Variants in ABCC10 observed in about 807,000 individuals in gnomAD.
ABCC10 encodes ATP-binding cassette sub-family C member 10.
Under a neutral mutation model 143.2 loss-of-function variants are expected in ABCC10, and 110 were observed. That is an observed-to-expected ratio of 0.77 (90% CI 0.66 to 0.90). The LOEUF is 0.90. Among genes scored for constraint, ABCC10 ranks in the 40% least tolerant of loss-of-function variants. The probability of loss-of-function intolerance (pLI) is 0.00; values close to 1 mark genes in which losing one functional copy is unlikely to be tolerated. For synonymous variants in ABCC10, 805 were observed against 846.7 expected, an observed-to-expected ratio of 0.95 and a Z score of 0.85; for missense variants, 1,700 against 1,900.5, an observed-to-expected ratio of 0.89 and a Z score of 1.96.
chr6:43,444,804 T>C lies in ABCC10; in HGVS notation c.2706T>C (p.Ala902=). ...CCCACCCAGCCACGCGGAACGCTGC[T>C]GACTGGTGGCTCTCCCACTGGATCT... ...LLLMQATRNA[A]DWWLSHWISQ... is the part of the protein sequence containing the mutation. The change falls in exon 13 of 22, where the codon GCT becomes GCC. Residue 902 remains alanine (A), a synonymous_variant. Transcript: ENST00000372530. 1 of 1,606,754 alleles carries C rather than the reference T, an allele frequency of 6.2e-7. No homozygotes were observed. The highest frequency in any genetic ancestry group is 1.1e-5 in the South Asian group (1 of 90,280).
chr6:43,431,074 A>T lies in ABCC10; in HGVS notation c.162-1068A>T, dbSNP rs377002491. Among the ~76,000 whole-genome samples, 28 of 152,246 alleles carry T rather than the reference A, an allele frequency of 1.8e-4. No homozygotes were observed. In the East Asian group the frequency reaches 3.3e-3, roughly 18 times the overall value. ...AGATCACCTTTTGTTTATTAAAAAC[A>T]TTTTTTTATGCCAAGAAGATATAAA... On this transcript the variant is annotated intron_variant, in intron 2 of 21. Transcript: ENST00000372530.
chr6:43,435,628 C>T lies in ABCC10; in HGVS notation c.1609-123C>T, dbSNP rs183457516. Reference sequence around the variant, plus strand: ...TGCCACATCTGATCCCAGGATTGGCCAGCCAGCCCTTCAGTTCTGTCATTG... The same window carrying T: ...TGCCACATCTGATCCCAGGATTGGCTAGCCAGCCCTTCAGTTCTGTCATTG... On this transcript the variant is annotated intron_variant, in intron 4 of 21. Coordinates refer to ENST00000372530, the MANE Select transcript of ABCC10 (RefSeq NM_001198934.2). 16 of 1,203,872 alleles carry T rather than the reference C, an allele frequency of 1.3e-5. No homozygotes were observed. In the Admixed American group the frequency reaches 3.4e-4, roughly 26 times the overall value. The allele number at this position is 1,203,872 out of a possible 1,614,324, so 74.6% of individuals were successfully genotyped here.
At position 43,443,747 on chromosome 6, in the gene ABCC10, G is replaced by T. The variant is rs1415322814; in HGVS notation, c.2417-186G>T. Reference sequence around the variant, plus strand: ...CTTGAGTCCTGCTCGAGGTCTAGGGGTATCCAGAGCAGGGTGGGTTAGAGA... The same window carrying T: ...CTTGAGTCCTGCTCGAGGTCTAGGGTTATCCAGAGCAGGGTGGGTTAGAGA... On this transcript the variant is annotated intron_variant, in intron 10 of 21. Transcript: ENST00000372530. This position sits in a 1 kb window ranked among gnomAD's most constrained non-coding sequence, Gnocchi z 4.2. 27 of 607,214 alleles carry T rather than the reference G, an allele frequency of 4.4e-5. No individual in the cohort carries two copies. In the East Asian group the frequency reaches 7.3e-4, roughly 16 times the overall value. The allele number at this position is 607,214 out of a possible 1,614,324, so 37.6% of individuals were successfully genotyped here.
intron 8 of ABCC10, among the ~76,000 whole-genome samples, chr6:43,440,886 A>T (rs1191230511): frequency 1.4e-5 from 2 of 138,922 alleles, no homozygotes; most frequent in Non-Finnish European, 3.1e-5. Context: ...ATACCAGACC[A>T]CCCAGGGCAA....
At position 43,427,732 on chromosome 6, in the gene ABCC10, A is replaced by G. The variant is rs1363377783; in HGVS notation, c.-37A>G. 5.2e-6 allele frequency: 3 copies of G among 581,758 alleles called. No homozygotes were observed. The Admixed American group carries it at 8.9e-5, about 17-fold the overall frequency. The allele number at this position is 581,758 out of a possible 1,614,324, so 36.0% of individuals were successfully genotyped here. A position where few individuals can be genotyped will look rare whatever the true frequency, so the allele number is the denominator to read the frequency against. ...GTTCCGGATGCCTGGGGGCGGAGAA[A>G]CGGGAGGGGAAAAACAGATGGCAAG... is the stretch of plus-strand genomic sequence containing the variant. On this transcript the variant is annotated 5_prime_UTR_variant, in exon 1 of 22. Transcript: ENST00000372530.
Position 43,443,127 on chromosome 6 carries a change from T to C in ABCC10, c.2384T>C (p.Leu795Pro), listed in dbSNP as rs1012646781. The C allele has an allele frequency of 6.2e-7, 1 of 1,608,216 alleles. No homozygotes were observed. Among genetic ancestry groups the C allele is most frequent in the Non-Finnish European group, 8.5e-7 (1 of 1,179,432 alleles). Residue 795 changes from leucine to proline, a missense_variant, in exon 10 of 22, where the codon CTG (leucine) becomes CCG (proline). Coordinates refer to ENST00000372530, the MANE Select transcript of ABCC10 (RefSeq NM_001198934.2). The surrounding 1 kb of genome is among the most constrained non-coding windows in gnomAD (Gnocchi z 4.2). ...TEYLERADAV[L>P]LMEAGRLIRA... ...TACCTGGAGAGGGCTGACGCGGTGC[T>C]GCTGATGGAGGCCGGGCGCCTCATC...
chr6:43,437,594 T>C (rs1452593307), intron 6 of ABCC10, among the ~76,000 whole-genome samples: 1 of 152,074 alleles, frequency 6.6e-6, no homozygotes, highest in Non-Finnish European at 1.5e-5. Context: ...AATTCTACCC[T>C]TCCCTCTCCC....
At chr6:43,434,258 G>A (rs765707749) in intron 3 of ABCC10, among the ~76,000 whole-genome samples, 2 of 152,238 alleles carry the variant, frequency 1.3e-5, no homozygotes, top group Non-Finnish European at 2.9e-5. Flanking sequence ...TTTTGGTTTT[G>A]GGAGATAGCC....
chr6:43,448,533 G>A (rs957721782), intron 18 of ABCC10, among the ~76,000 whole-genome samples: 3 of 152,080 alleles, frequency 2.0e-5, no homozygotes, highest in East Asian at 1.9e-4. Context: ...CCTTTCAGTC[G>A]CTCTGGTCAT....
Position 43,445,185 on chromosome 6 carries a change from C to T in ABCC10, c.2901C>T (p.Tyr967=), listed in dbSNP as rs746420505. 1 of 1,614,140 alleles carries T rather than the reference C, an allele frequency of 6.2e-7. No homozygotes were observed. The highest frequency in any genetic ancestry group is 1.1e-5 in the South Asian group (1 of 91,082). ...ATGGCTCCTCAGACATCCGTTTCTA[C>T]CTCACCGTGTATGCGACCATTGCTG... The part of the protein sequence containing the change: ...APNGSSDIRF[Y]LTVYATIAGV... Residue 967 remains tyrosine (Y), a synonymous_variant, in exon 14 of 22, where the codon TAC becomes TAT. Coordinates refer to ENST00000372530, the MANE Select transcript of ABCC10 (RefSeq NM_001198934.2).
intron 2 of ABCC10, among the ~76,000 whole-genome samples, chr6:43,430,019 A>G (rs1304401781): frequency 2.0e-5 from 3 of 152,212 alleles, no homozygotes; most frequent in African/African-American, 4.8e-5. Flanking sequence ...GGCTCAAGCA[A>G]TCCTTCTGCC....
chr6:43,442,026 C>A, intron 9 of ABCC10, 66 bp downstream of exon 9: 2 of 1,407,226 alleles, frequency 1.4e-6, no homozygotes, highest in Non-Finnish European at 2.0e-6. Context: ...GGGAACTTGG[C>A]TGAGTTAGGA....
chr6:43,429,328 A>AT (rs1489959515), intron 2 of ABCC10, among the ~76,000 whole-genome samples: 1 of 111,384 alleles, frequency 9.0e-6, no homozygotes, highest in Non-Finnish European at 1.8e-5. Flanking sequence ...AAATATATAT[A>AT]TTTTTTTCTT....
At chr6:43,449,229 G>C (rs1783479657) in intron 20 of ABCC10, 25 bp downstream of exon 20, 1 of 1,611,918 alleles carries the variant, frequency 6.2e-7, no homozygotes, top group Middle Eastern at 1.7e-4. Context: ...AGAGACATTA[G>C]AGAGGGCCAG....
At chr6:43,441,704 TTA>T (rs879012069) in intron 8 of ABCC10, among the ~76,000 whole-genome samples, 156 bp from the exon 9 acceptor site, 2 of 152,334 alleles carry the variant, frequency 1.3e-5, no homozygotes, top group South Asian at 4.1e-4. Flanking sequence ...GTTATTGGAA[TTA>T]TGTCTTGTCT....
Position 43,444,885 on chromosome 6 carries a change from T to C in ABCC10, c.2787T>C (p.Ala929=). The C allele has an allele frequency of 6.2e-7, 1 of 1,613,990 alleles. No homozygotes were observed. Among genetic ancestry groups the C allele is most frequent in the South Asian group, 1.1e-5 (1 of 91,074 alleles). ...SQEAQPSTSP[A]SMGLFSPQLL... is the part of the protein sequence containing the mutation. ...AGGCGCAACCCTCCACCAGCCCAGC[T>C]TCTATGGGGCTCTTCTCTCCGCAGC... Residue 929 remains alanine (A), a synonymous_variant, in exon 13 of 22, where the codon GCT becomes GCC. Coordinates refer to ENST00000372530, the MANE Select transcript of ABCC10 (RefSeq NM_001198934.2).
intron 16 of ABCC10, chr6:43,446,746 T>A (rs1264596362): frequency 2.4e-6 from 3 of 1,235,792 alleles, no homozygotes; most frequent in Non-Finnish European, 3.0e-6. Flanking sequence ...GTCTCCCACA[T>A]GCCGTCCCTC....
chr6:43,438,726 T>G lies in ABCC10; in HGVS notation c.2058T>G (p.Phe686Leu). The G allele has an allele frequency of 6.2e-7, 1 of 1,614,218 alleles. No individual in the cohort carries two copies. The highest frequency in any genetic ancestry group is 8.5e-7 in the Non-Finnish European group (1 of 1,180,032). ...CCACCATCCGAGACAACATCCTCTTTGGGAAGACATTTGATGCACAGCTGT... is the reference window on the plus strand; with the variant it reads ...CCACCATCCGAGACAACATCCTCTTGGGGAAGACATTTGATGCACAGCTGT... ...QFATIRDNILFGKTFDAQLYK... is the reference protein window; with the variant it reads ...QFATIRDNILLGKTFDAQLYK... The change falls in exon 8 of 22, where the codon TTT becomes TTG. Residue 686 changes from phenylalanine (F) to leucine (L), a missense_variant. By Grantham distance (22) the Phe-to-Leu change is conservative (BLOSUM62 0). Coordinates refer to ENST00000372530, the MANE Select transcript of ABCC10 (RefSeq NM_001198934.2).
intron 5 of ABCC10, 35 bp from the exon 6 acceptor site, chr6:43,436,103 A>G (rs1781676001): frequency 6.2e-7 from 1 of 1,613,946 alleles, no homozygotes; most frequent in Non-Finnish European, 8.5e-7. Context: ...ATTGTGGTAG[A>G]TTAGGAGCCC....
Sources: allele counts gnomAD v4.1 joint callset (sites outside exome capture counted in the v4.1 genomes callset), GRCh38; gene constraint gnomAD v4.1.1; non-coding constraint Gnocchi (gnomAD v3.1); transcripts MANE v1.5; gene names NCBI Gene and HGNC (gene_info 2026-07-23, HGNC 2026-07-21).